The following ACSL4 variants were observed in gnomAD, a reference collection of about 807,000 sequenced individuals.
ACSL4 encodes long-chain-fatty-acid--CoA ligase 4.
ACSL4 carries 9 observed loss-of-function variants against 49.1 expected under a neutral mutation model. That is an observed-to-expected ratio of 0.18 (90% confidence interval 0.11 to 0.32). ACSL4 has a LOEUF of 0.32. ACSL4 is among the 10% of genes least tolerant of loss of function. ACSL4 has a pLI of 1.00. For synonymous variants in ACSL4, 191 were observed against 170.3 expected, an observed-to-expected ratio of 1.12 and a Z score of -0.95; for missense variants, 333 against 493.7, an observed-to-expected ratio of 0.67 and a Z score of 3.08.
intron 9 of ACSL4, among the ~76,000 whole-genome samples, chrX:109,669,682 G>A (rs1235337370): frequency 5.3e-5 from 6 of 112,247 alleles, no homozygotes; most frequent in Admixed American, 1.9e-4. Context: ...GTGAGCCACC[G>A]TGCCCAGCCA....
intron 11 of ACSL4, among the ~76,000 whole-genome samples, chrX:109,666,942 C>T (rs886373001): frequency 1.3e-4 from 14 of 111,249 alleles, no homozygotes; most frequent in Admixed American, 1.2e-3. Context: ...TAGGTCGGAG[C>T]AGAATGGAGC....
chrX:109,672,303 AG>A (rs1923332162), intron 9 of ACSL4, among the ~76,000 whole-genome samples: 1 of 96,029 alleles, frequency 1.0e-5, no homozygotes, highest in Admixed American at 1.1e-4. Context: ...GGGAGGGGAG[AG>A]GGGGCAGGGG....
At position 109,678,348 on chromosome X, in the gene ACSL4, A is replaced by G; in HGVS notation, c.723T>C (p.Thr241=). The change falls in exon 7 of 16, where the codon ACT becomes ACC. Residue 241 remains threonine (T), a synonymous_variant. Coordinates refer to ENST00000672401, the MANE Select transcript of ACSL4 (RefSeq NM_001318510.2). ...MAIVMYTSGS[T]GRPKGVMMHH... is the part of the protein sequence containing the mutation. ...GCATCATCACTCCCTTAGGTCGGCC[A>G]GTAGAACCACTAGTATACATAACAA... 2 of 1,212,011 alleles carry G rather than the reference A, an allele frequency of 1.7e-6. No homozygotes were observed. The highest frequency in any genetic ancestry group is 2.2e-6 in the Non-Finnish European group (2 of 895,542).
Position 109,646,783 on chromosome X carries a change from C to T in ACSL4, c.1856-2597G>A, listed in dbSNP as rs1458757865. On this transcript the variant is annotated intron_variant, in intron 15 of 15. Coordinates refer to ENST00000672401, the MANE Select transcript of ACSL4 (RefSeq NM_001318510.2). ...TGCTGTATTCAGGAAACCCATCTCA[C>T]GTGCAGAGACACACATAGGCTCAAA... 2.1e-4 allele frequency among the ~76,000 whole-genome samples: 23 copies of T among 110,200 alleles called. No individual in the cohort carries two copies. In the East Asian group the frequency reaches 4.8e-3, roughly 23 times the overall value.
chrX:109,717,670 G>T (rs986665476), intron 1 of ACSL4, among the ~76,000 whole-genome samples: 1 of 110,900 alleles, frequency 9.0e-6, no homozygotes, highest in Non-Finnish European at 1.9e-5. Context: ...GGGCAGTGCC[G>T]GTAAGAGCAA....
At chrX:109,667,242 C>T (rs1366748726) in intron 11 of ACSL4, among the ~76,000 whole-genome samples, 1 of 112,312 alleles carries the variant, frequency 8.9e-6, no homozygotes, top group East Asian at 2.8e-4. Flanking sequence ...GTGATTTTGC[C>T]CCCCAGGGGA....
chrX:109,721,625 G>A (rs1460893291), intron 1 of ACSL4, among the ~76,000 whole-genome samples: 2 of 109,979 alleles, frequency 1.8e-5, no homozygotes, highest in Non-Finnish European at 3.8e-5. Flanking sequence ...CCAGCTACTC[G>A]GGAGGCTGAG....
chrX:109,717,102 G>A (rs1470897239), intron 1 of ACSL4, among the ~76,000 whole-genome samples: 1 of 111,676 alleles, frequency 9.0e-6, no homozygotes, highest in Admixed American at 9.6e-5. Context: ...CAAAACTAAG[G>A]CCAACACAGA....
intron 6 of ACSL4, 122 bp downstream of exon 6, chrX:109,680,876 T>C: frequency 1.3e-6 from 1 of 748,068 alleles, no homozygotes; most frequent in Non-Finnish European, 2.0e-6. Context: ...TTAAAGATTT[T>C]TGAACTTTTT....
At chrX:109,683,617 G>A in intron 2 of ACSL4, 1 of 500,185 alleles carries the variant, frequency 2.0e-6, no homozygotes, top group Non-Finnish European at 3.4e-6. Context: ...TTCAATCTTA[G>A]TGATACAGAT....
chrX:109,644,457 A>T (rs1215512755), intron 15 of ACSL4, among the ~76,000 whole-genome samples: 1 of 111,271 alleles, frequency 9.0e-6, no homozygotes, highest in Non-Finnish European at 1.9e-5. Flanking sequence ...GTTTTAGTCT[A>T]TGTGGTTATT....
chrX:109,682,381 G>T (rs1924230325), intron 4 of ACSL4, among the ~76,000 whole-genome samples: 1 of 110,806 alleles, frequency 9.0e-6, no homozygotes, highest in Non-Finnish European at 1.9e-5. Flanking sequence ...CTGAGAAATG[G>T]TTTTTTGTTC....
intron 15 of ACSL4, among the ~76,000 whole-genome samples, chrX:109,653,020 A>G (rs1022025183): frequency 1.9e-4 from 21 of 111,741 alleles, no homozygotes; most frequent in African/African-American, 6.8e-4. Context: ...AATGTAACCT[A>G]AGTAGTTAAC....
intron 6 of ACSL4, 77 bp downstream of exon 6, chrX:109,680,921 T>C: frequency 9.5e-7 from 1 of 1,053,782 alleles, no homozygotes; most frequent in South Asian, 2.0e-5. Flanking sequence ...GATTTACTCA[T>C]GTCATTTGTT....
At chrX:109,691,346 G>C (rs1925025486) in intron 2 of ACSL4, among the ~76,000 whole-genome samples, 1 of 112,269 alleles carries the variant, frequency 8.9e-6, no homozygotes, top group African/African-American at 3.2e-5. Context: ...GTTGTAACTA[G>C]TAAACATTAA....
At chrX:109,721,399 C>T (rs551175122) in intron 1 of ACSL4, among the ~76,000 whole-genome samples, 1 of 111,869 alleles carries the variant, frequency 8.9e-6, no homozygotes, top group African/African-American at 3.2e-5. Context: ...TATTAAAATA[C>T]TTAAAGTCCA....
chrX:109,652,565 C>T (rs1361942940), intron 15 of ACSL4, among the ~76,000 whole-genome samples: 1 of 111,494 alleles, frequency 9.0e-6, no homozygotes, highest in African/African-American at 3.3e-5. Context: ...CAGTGCACCT[C>T]TGATGATTAG....
At chrX:109,677,152 C>T (rs920247696) in intron 8 of ACSL4, among the ~76,000 whole-genome samples, 39 of 109,562 alleles carry the variant, frequency 3.6e-4, no homozygotes, top group Admixed American at 8.7e-4. Flanking sequence ...TTAGTAGAGA[C>T]GGGGTTTCAC....
In ACSL4 at chrX:109,727,657, TTGTGTGTGTGTGTGTGTG is replaced by T. The variant is rs35186119; in HGVS notation, c.-66+5464_-66+5481del. On this transcript the variant is annotated intron_variant, in intron 1 of 15. Transcript: ENST00000672401. ...TAAAAAGTCAGGGTAGTTTGTTAAA[TTGTGTGTGTGTGTGTGTG>T]TGTGTGTGTGTGTGTGTGTGTGTGT... Among the ~76,000 whole-genome samples, 239 of 88,406 alleles carry T rather than the reference TTGTGTGTGTGTGTGTGTG, an allele frequency of 2.7e-3. 1 individual carries two copies. Among genetic ancestry groups the T allele is most frequent in the African/African-American group, 7.3e-3 (163 of 22,371 alleles). 76.8% of individuals were successfully genotyped at this position (88,406 alleles called of 115,157 possible).
Sources: allele counts gnomAD v4.1 joint callset (sites outside exome capture counted in the v4.1 genomes callset), GRCh38; gene constraint gnomAD v4.1.1; transcripts MANE v1.5; gene names NCBI Gene and HGNC (gene_info 2026-07-23, HGNC 2026-07-21).